Variants in FNIP1 observed in about 807,000 individuals in gnomAD.
FNIP1 encodes folliculin interacting protein 1, also known as folliculin-interacting protein 1.
In FNIP1, 40 loss-of-function variants were observed where a neutral mutation model predicts 124.5. The observed-to-expected ratio is 0.32, with a 90% CI of 0.25 to 0.42. The LOEUF is 0.42. FNIP1 is among the 10% of genes least tolerant of loss of function. FNIP1 has a pLI of 1.00. For missense variants in FNIP1, 1,176 were observed against 1,403.7 expected (o/e 0.84, Z 2.59); for synonymous variants, 472 against 470.6 (o/e 1.00, Z -0.04).
intron 15 of FNIP1, among the ~76,000 whole-genome samples, chr5:131,655,872 T>G (rs1277254539): frequency 6.6e-6 from 1 of 151,292 alleles, no homozygotes. Flanking sequence ...GAACCAAGAT[T>G]GCGTCACTGC....
intron 15 of FNIP1, among the ~76,000 whole-genome samples, chr5:131,663,198 A>G (rs60418447): frequency 0.027 from 4,047 of 152,308 alleles, 190 homozygotes; most frequent in African/African-American, 0.092. Context: ...TCCTCACTGA[A>G]ATCTGGTAAT....
intron 1 of FNIP1, among the ~76,000 whole-genome samples, chr5:131,755,392 G>C (rs936096707): frequency 1.3e-4 from 20 of 148,328 alleles, no homozygotes; most frequent in African/African-American, 4.5e-4. Flanking sequence ...CTGCACTCCA[G>C]ACCAGGTGAC....
At chr5:131,673,113 T>C (rs1767816460) in intron 13 of FNIP1, among the ~76,000 whole-genome samples, 189 bp from the exon 14 acceptor site, 1 of 151,472 alleles carries the variant, frequency 6.6e-6, no homozygotes, top group Non-Finnish European at 1.5e-5. Context: ...AGTGGTACAA[T>C]CATGGTTCAC....
intron 2 of FNIP1, among the ~76,000 whole-genome samples, chr5:131,736,516 T>C (rs1770310329): frequency 6.6e-6 from 1 of 152,198 alleles, no homozygotes; most frequent in Non-Finnish European, 1.5e-5. Flanking sequence ...TACCAGTCCA[T>C]GGCCTGTTAG....
chr5:131,653,627 A>C (rs1468132530), intron 15 of FNIP1, among the ~76,000 whole-genome samples: 2 of 152,252 alleles, frequency 1.3e-5, no homozygotes, highest in African/African-American at 2.4e-5. Flanking sequence ...AAAAGAAAGA[A>C]AATACTCAAA....
intron 3 of FNIP1, among the ~76,000 whole-genome samples, chr5:131,722,269 G>A (rs1311776993): frequency 6.6e-6 from 1 of 152,180 alleles, no homozygotes; most frequent in Non-Finnish European, 1.5e-5. Context: ...CATGGTCTCT[G>A]AGGGTATCTG....
intron 15 of FNIP1, 134 bp downstream of exon 15, chr5:131,670,329 G>A: frequency 1.5e-6 from 1 of 685,354 alleles, no homozygotes; most frequent in East Asian, 3.0e-5. Flanking sequence ...TACGGGCACT[G>A]AATATAAAAT....
At chr5:131,656,709 A>C (rs540197781) in intron 15 of FNIP1, among the ~76,000 whole-genome samples, 1 of 152,290 alleles carries the variant, frequency 6.6e-6, no homozygotes, top group East Asian at 1.9e-4. Context: ...TAGAGGACAA[A>C]AGGTATCTGC....
chr5:131,777,370 A>G (rs1362797986), intron 1 of FNIP1, among the ~76,000 whole-genome samples: 2 of 152,146 alleles, frequency 1.3e-5, no homozygotes, highest in African/African-American at 4.8e-5. Context: ...GTGTGATACT[A>G]AATGCTGTTC....
chr5:131,767,334 C>T (rs1048422605), intron 1 of FNIP1, among the ~76,000 whole-genome samples: 3 of 134,732 alleles, frequency 2.2e-5, no homozygotes, highest in Non-Finnish European at 3.1e-5. Context: ...GAGGCTGAGG[C>T]GGGAGAATCG....
At chr5:131,757,556 G>A (rs1394639570) in intron 1 of FNIP1, among the ~76,000 whole-genome samples, 1 of 151,914 alleles carries the variant, frequency 6.6e-6, no homozygotes, top group Admixed American at 6.6e-5. Flanking sequence ...AAGTTACTAG[G>A]CCCAAAGTTG....
chr5:131,719,471 T>G, intron 3 of FNIP1, 54 bp from the exon 4 acceptor site: 1 of 1,469,044 alleles, frequency 6.8e-7, no homozygotes, highest in South Asian at 1.2e-5. Flanking sequence ...TTATGACTAT[T>G]TCATATGTTG....
intron 9 of FNIP1, 45 bp from the exon 10 acceptor site, chr5:131,704,311 A>C: frequency 1.4e-6 from 2 of 1,445,232 alleles, no homozygotes; most frequent in South Asian, 2.6e-5. Flanking sequence ...AGTAAAAATA[A>C]ATTCACAATT....
At chr5:131,694,948 T>C (rs1394067927) in intron 11 of FNIP1, among the ~76,000 whole-genome samples, 1 of 151,814 alleles carries the variant, frequency 6.6e-6, no homozygotes, top group Non-Finnish European at 1.5e-5. Context: ...CTATTTAAAA[T>C]ATAAAAATTG....
chr5:131,719,051 T>C lies in FNIP1; in HGVS notation c.465A>G (p.Pro155=), dbSNP rs751245292. The change falls in exon 5 of 18, where the codon CCA becomes CCG. Residue 155 remains proline (P), a synonymous_variant. Coordinates refer to ENST00000510461, the MANE Select transcript of FNIP1 (RefSeq NM_133372.3). ...TAAACACTTTGCTGAGCATGAGCTG[T>C]GGAGGGGAACTATGAAGAAAAAGAG... The part of the protein sequence containing the change: ...TLKIHQIRSP[P]QLMLSKVFTA... The C allele has an allele frequency of 2.5e-6, 4 of 1,613,484 alleles. No homozygotes were observed. In the South Asian group the frequency reaches 4.4e-5, roughly 18 times the overall value.
chr5:131,710,942 A>T (rs1043468661), intron 6 of FNIP1, among the ~76,000 whole-genome samples: 1 of 152,240 alleles, frequency 6.6e-6, no homozygotes, highest in South Asian at 2.1e-4. Flanking sequence ...AATTATTTTA[A>T]ATGTTCAATC....
At chr5:131,736,803 T>G (rs1770321866) in intron 2 of FNIP1, among the ~76,000 whole-genome samples, 1 of 152,218 alleles carries the variant, frequency 6.6e-6, no homozygotes, top group Non-Finnish European at 1.5e-5. Context: ...ATCAATGATT[T>G]CCTGAATTTT....
At chr5:131,795,168 C>G (rs1176053393) in intron 1 of FNIP1, among the ~76,000 whole-genome samples, 1 of 152,056 alleles carries the variant, frequency 6.6e-6, no homozygotes, top group Non-Finnish European at 1.5e-5. Flanking sequence ...GTGAGAGATT[C>G]CATAATGTAC....
chr5:131,645,601 C>G (rs1035516927), intron 17 of FNIP1, among the ~76,000 whole-genome samples: 1 of 152,142 alleles, frequency 6.6e-6, no homozygotes, highest in Non-Finnish European at 1.5e-5. Flanking sequence ...TGTGGGAATT[C>G]ATTTTGAAAC....
Sources: allele counts gnomAD v4.1 joint callset (sites outside exome capture counted in the v4.1 genomes callset), GRCh38; gene constraint gnomAD v4.1.1; transcripts MANE v1.5; gene names NCBI Gene and HGNC (gene_info 2026-07-23, HGNC 2026-07-21).